Variants in FHL2 observed in about 807,000 individuals in gnomAD.
FHL2 encodes the protein four and a half LIM domains protein 2.
A neutral mutation model predicts 32.7 loss-of-function variants in FHL2; 20 were observed. The ratio of observed to expected loss-of-function variants is 0.61; its 90% CI spans 0.43 to 0.89. The LOEUF (loss-of-function observed/expected upper bound fraction) is 0.89. FHL2 is among the 40% of genes least tolerant of loss of function. The pLI is 0.00. For missense variants in FHL2, 311 were observed against 358.6 expected (o/e 0.87, Z 1.07); for synonymous variants, 123 against 128.1 (o/e 0.96, Z 0.27).
intron 1 of FHL2, among the ~76,000 whole-genome samples, chr2:105,415,059 G>T (rs180686448): frequency 1.7e-3 from 257 of 152,300 alleles, no homozygotes; most frequent in Admixed American, 7.6e-3. Context: ...CACAAACGCA[G>T]ATGTATACAG....
chr2:105,409,557 G>C (rs1357289457), intron 1 of FHL2, among the ~76,000 whole-genome samples: 13 of 152,154 alleles, frequency 8.5e-5, no homozygotes. Context: ...TTAACAGCTT[G>C]GTGCCAGTTT....
rs745898773 is a variant in FHL2, at chr2:105,373,423, C to A, written c.331+136G>T. On this transcript the variant is annotated intron_variant, in intron 4 of 6. Transcript: ENST00000530340. ...CTGCTTCGTAAGTACTCTAAATACT[C>A]CTCTGCAGTTCAAGGTCAAACTGGA... 3.1e-5 allele frequency: 26 copies of A among 844,504 alleles called. No homozygotes were observed. The East Asian group carries it at 6.8e-4, about 22-fold the overall frequency. The allele number at this position is 844,504 out of a possible 1,614,324, so 52.3% of individuals were successfully genotyped here.
intron 3 of FHL2, chr2:105,385,953 C>G: frequency 3.1e-6 from 1 of 325,518 alleles, no homozygotes; most frequent in East Asian, 4.8e-5. Context: ...CTCTGGTTCT[C>G]TCATGTACAC....
intron 1 of FHL2, among the ~76,000 whole-genome samples, chr2:105,436,863 A>C (rs1684629234): frequency 6.6e-6 from 1 of 152,220 alleles, no homozygotes. Flanking sequence ...ATAAACAATC[A>C]ATATAATTTT....
intron 1 of FHL2, among the ~76,000 whole-genome samples, chr2:105,436,310 A>C (rs1471200505): frequency 6.6e-6 from 1 of 152,326 alleles, no homozygotes; most frequent in South Asian, 2.1e-4. Context: ...TGTAGAAGTC[A>C]ATTACCAGAT....
intron 3 of FHL2, among the ~76,000 whole-genome samples, chr2:105,384,949 A>G (rs1460198655): frequency 6.6e-6 from 1 of 152,222 alleles, no homozygotes; most frequent in Non-Finnish European, 1.5e-5. Context: ...GTCCTGTTAA[A>G]TACATGAAAA....
chr2:105,416,325 A>G (rs1411443932), intron 1 of FHL2, among the ~76,000 whole-genome samples: 3 of 152,336 alleles, frequency 2.0e-5, no homozygotes, highest in South Asian at 2.1e-4. Flanking sequence ...ACAGCTGGAA[A>G]GCTCAATGCT....
Position 105,367,447 on chromosome 2 carries a change from G to A in FHL2, c.501+123C>T, listed in dbSNP as rs891069313. 10 of 973,068 alleles carry A rather than the reference G, an allele frequency of 1.0e-5. No homozygotes were observed. The African/African-American group carries it at 1.1e-4, about 11-fold the overall frequency. 60.3% of individuals were successfully genotyped at this position (973,068 alleles called of 1,614,324 possible). ...ATGCTCAGAATGTAAGGCAGGACAG[G>A]CACAGCTCCCACGCCACTTAAGTAT... is the stretch of plus-strand genomic sequence containing the variant. On this transcript the variant is annotated intron_variant, in intron 5 of 6. Transcript: ENST00000530340.
chr2:105,408,951 A>G (rs1436584850), intron 1 of FHL2, among the ~76,000 whole-genome samples: 1 of 152,154 alleles, frequency 6.6e-6, no homozygotes, highest in Non-Finnish European at 1.5e-5. Context: ...GAGCAAGGGC[A>G]GAGGGGAGAC....
intron 1 of FHL2, among the ~76,000 whole-genome samples, chr2:105,428,118 C>T (rs1416625854): frequency 3.3e-5 from 5 of 152,214 alleles, no homozygotes; most frequent in Non-Finnish European, 5.9e-5. Flanking sequence ...TAAAAGGTCT[C>T]AGTCAACTAG....
At chr2:105,374,012 C>G (rs2104534966) in intron 3 of FHL2, 1 of 463,998 alleles carries the variant, frequency 2.2e-6, no homozygotes. Flanking sequence ...AAAGGGATTT[C>G]CCTTATGTAT....
At chr2:105,375,014 G>A (rs920766040) in intron 3 of FHL2, among the ~76,000 whole-genome samples, 3 of 152,214 alleles carry the variant, frequency 2.0e-5, no homozygotes, top group Non-Finnish European at 4.4e-5. Context: ...CGAAGTCGAA[G>A]CTGGAGTTAT....
chr2:105,371,381 G>A (rs1354380091), intron 4 of FHL2, among the ~76,000 whole-genome samples: 1 of 152,098 alleles, frequency 6.6e-6, no homozygotes, highest in Non-Finnish European at 1.5e-5. Context: ...TCTCAAGACT[G>A]CAATAGACAC....
intron 3 of FHL2, among the ~76,000 whole-genome samples, chr2:105,384,635 G>C (rs1266497896): frequency 2.0e-5 from 3 of 152,188 alleles, no homozygotes; most frequent in Non-Finnish European, 2.9e-5. Context: ...AGCCTCTCAA[G>C]TAGCTGGGAT....
At chr2:105,432,982 C>T (rs1342196467) in intron 1 of FHL2, among the ~76,000 whole-genome samples, 1 of 152,154 alleles carries the variant, frequency 6.6e-6, no homozygotes, top group African/African-American at 2.4e-5. Flanking sequence ...TAGAACTCAA[C>T]TGAATTAAAC....
At chr2:105,406,560 G>A (rs763122028) in intron 1 of FHL2, among the ~76,000 whole-genome samples, 1 of 151,792 alleles carries the variant, frequency 6.6e-6, no homozygotes, top group Non-Finnish European at 1.5e-5. Flanking sequence ...ACACTTTCTG[G>A]ACTCAGTTCT....
chr2:105,412,245 C>T (rs1683815161), intron 1 of FHL2, among the ~76,000 whole-genome samples: 1 of 152,174 alleles, frequency 6.6e-6, no homozygotes, highest in Non-Finnish European at 1.5e-5. Flanking sequence ...GAATCTTATT[C>T]ACACTTAAAA....
At chr2:105,382,032 G>T (rs1459655527) in intron 3 of FHL2, among the ~76,000 whole-genome samples, 1 of 152,168 alleles carries the variant, frequency 6.6e-6, no homozygotes, top group Non-Finnish European at 1.5e-5. Flanking sequence ...ACCTGTATGT[G>T]TGAAAACCTT....
chr2:105,399,420 G>T, upstream of FHL2: 1 of 1,536,172 alleles, frequency 6.5e-7, no homozygotes, highest in Non-Finnish European at 8.7e-7. Flanking sequence ...GACGTGCCGG[G>T]GGAGGCGGAG....
Sources: allele counts gnomAD v4.1 joint callset (sites outside exome capture counted in the v4.1 genomes callset), GRCh38; gene constraint gnomAD v4.1.1; transcripts MANE v1.5; gene names NCBI Gene and HGNC (gene_info 2026-07-23, HGNC 2026-07-21).